Variants in SORCS1 observed in about 807,000 individuals in gnomAD.
SORCS1 encodes the protein VPS10 domain-containing receptor SorCS1.
In SORCS1, 60 loss-of-function variants were observed where a neutral mutation model predicts 146.1. That is an observed-to-expected ratio of 0.41 (90% CI 0.33 to 0.51). The LOEUF (loss-of-function observed/expected upper bound fraction) is 0.51. Among genes scored for constraint, SORCS1 ranks in the 20% least tolerant of loss-of-function variants. SORCS1 has a pLI of 0.21. For synonymous variants in SORCS1, 637 were observed against 584.0 expected (o/e 1.09, Z -1.31); for missense variants, 1,352 against 1,487.6 (o/e 0.91, Z 1.50).
intron 3 of SORCS1, among the ~76,000 whole-genome samples, chr10:106,788,177 G>A (rs1946146398): frequency 6.6e-6 from 1 of 152,150 alleles, no homozygotes; most frequent in South Asian, 2.1e-4. Flanking sequence ...CATGAGAACA[G>A]CATGAGGGGA....
At chr10:106,589,335 T>C (rs1206514678) in intron 24 of SORCS1, among the ~76,000 whole-genome samples, 8 of 152,190 alleles carry the variant, frequency 5.3e-5, no homozygotes, top group Non-Finnish European at 1.2e-4. Flanking sequence ...CTATTCTGTC[T>C]TAGAAGAGTC....
In SORCS1 at chr10:107,038,496, A is replaced by T. The variant is rs369089069; in HGVS notation, c.559-81916T>A. ...CATGGCACATGTATACATATGTAAC[A>T]AACCTGCACATTGTGCGCACGTACC... On this transcript the variant is annotated intron_variant, in intron 1 of 25. Transcript: ENST00000263054. Among the ~76,000 whole-genome samples the T allele has an allele frequency of 1.5e-3, 225 of 152,288 alleles. 1 individual carries two copies. The highest frequency in any genetic ancestry group is 3.3e-3 in the South Asian group (16 of 4,826).
chr10:106,883,999 A>T (rs1950904502), intron 2 of SORCS1, among the ~76,000 whole-genome samples: 1 of 152,172 alleles, frequency 6.6e-6, no homozygotes, highest in African/African-American at 2.4e-5. Flanking sequence ...TGAGAACATA[A>T]GTCATTTCTC....
At chr10:107,033,282 C>A (rs1958750341) in intron 1 of SORCS1, among the ~76,000 whole-genome samples, 1 of 152,312 alleles carries the variant, frequency 6.6e-6, no homozygotes, top group Non-Finnish European at 1.5e-5. Flanking sequence ...CCCCCATGAT[C>A]CAATCACCTC....
intron 1 of SORCS1, among the ~76,000 whole-genome samples, chr10:107,139,591 C>T (rs547855466): frequency 1.3e-5 from 2 of 152,020 alleles, no homozygotes; most frequent in Non-Finnish European, 2.9e-5. Context: ...TATAGTCAGG[C>T]CCTGACACAT....
At chr10:106,772,582 G>T (rs1860109241) in intron 4 of SORCS1, among the ~76,000 whole-genome samples, 1 of 151,258 alleles carries the variant, frequency 6.6e-6, no homozygotes, top group African/African-American at 2.4e-5. Context: ...ATCACAAATA[G>T]ATTTCTCCTT....
chr10:107,101,222 T>A (rs981720029), intron 1 of SORCS1, among the ~76,000 whole-genome samples: 3 of 152,186 alleles, frequency 2.0e-5, no homozygotes, highest in African/African-American at 7.2e-5. Flanking sequence ...AGTTTATATT[T>A]TTATTAGAGA....
At chr10:107,107,838 T>G (rs965407524) in intron 1 of SORCS1, among the ~76,000 whole-genome samples, 1 of 152,200 alleles carries the variant, frequency 6.6e-6, no homozygotes, top group African/African-American at 2.4e-5. Flanking sequence ...TCTCTTGGTC[T>G]TATTATAAAA....
rs1419029607 is a variant in SORCS1 at position 107,152,412 on chromosome 10, A to G, written c.558+11557T>C. Among the ~76,000 whole-genome samples, 4 of 152,346 alleles carry G rather than the reference A, an allele frequency of 2.6e-5. No individual in the cohort carries two copies. The East Asian group carries it at 5.8e-4, about 22-fold the overall frequency. On this transcript the variant is annotated intron_variant, in intron 1 of 25. Transcript: ENST00000263054. ...AGAGAACCACTATCCTCCATACCCC[A>G]GAATGGTAGATCCACCGACAACTTG...
At chr10:107,063,882 G>C (rs1019875604) in intron 1 of SORCS1, among the ~76,000 whole-genome samples, 2 of 152,120 alleles carry the variant, frequency 1.3e-5, no homozygotes, top group Non-Finnish European at 2.9e-5. Flanking sequence ...TAACTCTCTG[G>C]CTGCATTGAA....
rs902292593 is a variant in SORCS1, at chr10:106,780,315, A to G, written c.727-3623T>C. Among the ~76,000 whole-genome samples the G allele has an allele frequency of 2.0e-5, 3 of 152,350 alleles. No homozygotes were observed. In the East Asian group the frequency reaches 5.8e-4, roughly 29 times the overall value. The stretch of plus-strand genomic sequence containing the variant: ...CAATCCCTATTTTTGCTAGTTTAGA[A>G]TGACTCTTTATCCCCTTCTGACTCT... On this transcript the variant is annotated intron_variant, in intron 3 of 25. Transcript: ENST00000263054.
chr10:107,157,366 CCTT>C (rs1182894282), intron 1 of SORCS1, among the ~76,000 whole-genome samples: 3 of 152,306 alleles, frequency 2.0e-5, no homozygotes, highest in African/African-American at 7.2e-5. Context: ...TGTTATTTGA[CCTT>C]CTTCTTCCAC....
chr10:106,978,666 C>T (rs1217664158), intron 1 of SORCS1, among the ~76,000 whole-genome samples: 2 of 151,918 alleles, frequency 1.3e-5, no homozygotes, highest in African/African-American at 4.8e-5. Flanking sequence ...GGTGTGGTGG[C>T]GTGCACCCGT....
At chr10:107,121,323 T>C (rs1278799252) in intron 1 of SORCS1, among the ~76,000 whole-genome samples, 1 of 152,156 alleles carries the variant, frequency 6.6e-6, no homozygotes, top group African/African-American at 2.4e-5. Flanking sequence ...GTTGAGAAGA[T>C]CCATAAAATG....
At chr10:106,611,015 G>C (rs531986463) in intron 22 of SORCS1, among the ~76,000 whole-genome samples, 3 of 152,158 alleles carry the variant, frequency 2.0e-5, no homozygotes, top group Non-Finnish European at 4.4e-5. Flanking sequence ...GGAAGGCAGA[G>C]GTAGCAGTGA....
rs7913935 is a variant in SORCS1 at position 106,621,137 on chromosome 10, G to A, written c.2663-576C>T. On this transcript the variant is annotated intron_variant, in intron 19 of 25. Transcript: ENST00000263054. ...TTAAGTTAATTCAGGACAGAGGTGTGTGTGTAAGTAGATAGAGAGCTCTGT... is the reference window on the plus strand; with the variant it reads ...TTAAGTTAATTCAGGACAGAGGTGTATGTGTAAGTAGATAGAGAGCTCTGT... Among the ~76,000 whole-genome samples, 456 of 152,304 alleles carry A rather than the reference G, an allele frequency of 3.0e-3. 2 individuals carry two copies. Among genetic ancestry groups the A allele is most frequent in the African/African-American group, 0.01 (434 of 41,550 alleles).
At chr10:106,712,564 A>G (rs1465432566) in intron 6 of SORCS1, among the ~76,000 whole-genome samples, 2 of 152,222 alleles carry the variant, frequency 1.3e-5, no homozygotes, top group Admixed American at 6.5e-5. Context: ...TCCTTCATCT[A>G]TTAAAGGAGG....
chr10:106,767,730 A>T (rs1273783099), intron 4 of SORCS1, among the ~76,000 whole-genome samples: 1 of 152,124 alleles, frequency 6.6e-6, no homozygotes, highest in Non-Finnish European at 1.5e-5. Flanking sequence ...ACCTCAAGAG[A>T]TCTGCCTGCC....
intron 5 of SORCS1, among the ~76,000 whole-genome samples, chr10:106,732,380 C>T (rs901131503): frequency 1.3e-5 from 2 of 152,168 alleles, no homozygotes; most frequent in Non-Finnish European, 2.9e-5. Context: ...TGGTGACTCT[C>T]CTCACACTGA....
Sources: allele counts gnomAD v4.1 joint callset (sites outside exome capture counted in the v4.1 genomes callset), GRCh38; gene constraint gnomAD v4.1.1; transcripts MANE v1.5; gene names NCBI Gene and HGNC (gene_info 2026-07-23, HGNC 2026-07-21).